Variants in CTIF observed in about 807,000 individuals in gnomAD.
CTIF encodes CBP80/20-dependent translation initiation factor.
In CTIF, 21 loss-of-function variants were observed where a neutral mutation model predicts 66.0. The ratio of observed to expected loss-of-function variants is 0.32; its 90% CI spans 0.23 to 0.46. The LOEUF (loss-of-function observed/expected upper bound fraction) is 0.46. CTIF is among the 20% of genes least tolerant of loss of function. CTIF has a pLI of 1.00. For synonymous variants in CTIF, 345 were observed against 326.4 expected (o/e 1.06, Z -0.62); for missense variants, 739 against 812.7 (o/e 0.91, Z 1.10).
At position 48,668,254 on chromosome 18, in the gene CTIF, A is replaced by G. The variant is rs1194402736; in HGVS notation, c.432-2415A>G. 3.9e-5 allele frequency among the ~76,000 whole-genome samples: 6 copies of G among 152,218 alleles called. No individual in the cohort carries two copies. The South Asian group carries it at 6.2e-4, about 16-fold the overall frequency. On this transcript the variant is annotated intron_variant, in intron 5 of 11. Coordinates refer to ENST00000256413, the MANE Select transcript of CTIF (RefSeq NM_014772.3). ...CCAGCGTGTGCTTGGAGCTCAGTGC[A>G]TGCGAGAGAGTCCTGAGGTGTGTTT...
chr18:48,710,497 G>A lies in CTIF; in HGVS notation c.508-1122G>A, dbSNP rs187809786. Reference sequence around the variant, plus strand: ...ACCCCAGGCCGCTCATAATGGAATGGTAGTGCATGGTGGTGCTCTCTGCCA... The same window carrying A: ...ACCCCAGGCCGCTCATAATGGAATGATAGTGCATGGTGGTGCTCTCTGCCA... On this transcript the variant is annotated intron_variant, in intron 6 of 11. Transcript: ENST00000256413. 2.6e-3 allele frequency among the ~76,000 whole-genome samples: 396 copies of A among 152,324 alleles called. 2 individuals carry two copies. Among genetic ancestry groups the A allele is most frequent in the Non-Finnish European group, 4.6e-3 (314 of 68,018 alleles).
Position 48,698,104 on chromosome 18 carries a change from TAAAAAAAAAAAAAAAAA to T in CTIF, c.508-13494_508-13478del, listed in dbSNP as rs527429582. Among the ~76,000 whole-genome samples the T allele has an allele frequency of 3.7e-3, 49 of 13,070 alleles. 1 individual carries two copies. The highest frequency in any genetic ancestry group is 9.0e-3 in the Admixed American group (5 of 556). 8.6% of individuals were successfully genotyped at this position (13,070 alleles called of 152,430 possible). A position where few individuals can be genotyped will look rare whatever the true frequency, so the allele number is the denominator to read the frequency against. On this transcript the variant is annotated intron_variant, in intron 6 of 11. Coordinates refer to ENST00000256413, the MANE Select transcript of CTIF (RefSeq NM_014772.3). ...ACTCAGTGGAAAATGTAGCCATCAT[TAAAAAAAAAAAAAAAAA>T]AAAAAAAAAAAAAAAAAAAAGCAAA...
At chr18:48,628,519 T>C (rs72925564) in intron 2 of CTIF, among the ~76,000 whole-genome samples, 238 of 152,296 alleles carry the variant, frequency 1.6e-3, no homozygotes, top group Non-Finnish European at 2.5e-3. Flanking sequence ...TGACTTAAGC[T>C]TCCTGAGGCC....
chr18:48,641,483 G>A (rs533403377), intron 3 of CTIF, among the ~76,000 whole-genome samples: 4 of 152,332 alleles, frequency 2.6e-5, no homozygotes, highest in Admixed American at 6.5e-5. Context: ...AAAGATGGGG[G>A]TGTGTCACAA....
chr18:48,657,349 T>C (rs1306728416), intron 3 of CTIF, among the ~76,000 whole-genome samples: 1 of 152,348 alleles, frequency 6.6e-6, no homozygotes, highest in East Asian at 1.9e-4. Context: ...ATACCAAACA[T>C]TTGACTATAT....
intron 6 of CTIF, among the ~76,000 whole-genome samples, chr18:48,683,909 G>T (rs1006934707): frequency 3.3e-5 from 5 of 152,198 alleles, no homozygotes; most frequent in Admixed American, 6.5e-5. Flanking sequence ...TCTCATGGGG[G>T]CCCAGTTGCA....
Position 48,614,172 on chromosome 18 carries a change from A to G in CTIF, c.-28-5366A>G, listed in dbSNP as rs113719328. 5.2e-3 allele frequency among the ~76,000 whole-genome samples: 785 copies of G among 152,238 alleles called. 5 individuals are homozygous for G. The highest frequency in any genetic ancestry group is 0.034 in the Middle Eastern group (10 of 294). On this transcript the variant is annotated intron_variant, in intron 1 of 11. Transcript: ENST00000256413. The stretch of plus-strand genomic sequence containing the variant: ...CAGCCCAGCTGTTTGGGGACTTCCC[A>G]TCAGGATCCTACTGGGAATGAGACA...
At chr18:48,564,404 G>A (rs114164234) in intron 1 of CTIF, among the ~76,000 whole-genome samples, 3,666 of 152,218 alleles carry the variant, frequency 0.024, 51 homozygotes, top group African/African-American at 0.036. Flanking sequence ...TGCTGCAGGC[G>A]GCCTTCGCTA....
At chr18:48,653,413 T>TCC (rs2091192731) in intron 3 of CTIF, among the ~76,000 whole-genome samples, 1 of 152,122 alleles carries the variant, frequency 6.6e-6, no homozygotes, top group Non-Finnish European at 1.5e-5. Context: ...GAATCCAACT[T>TCC]ATAAGGAATG....
At chr18:48,789,290 G>A (rs891545134) in intron 9 of CTIF, among the ~76,000 whole-genome samples, 4 of 152,178 alleles carry the variant, frequency 2.6e-5, no homozygotes, top group African/African-American at 9.7e-5. Flanking sequence ...GTGTAACCTT[G>A]AATGGGTTTC....
intron 9 of CTIF, among the ~76,000 whole-genome samples, chr18:48,777,144 G>GGTCTGGCCGGCTCCTTCCC (rs2146017611): frequency 6.6e-6 from 1 of 152,332 alleles, no homozygotes; most frequent in South Asian, 2.1e-4. Context: ...CCACCCGGCG[G>GGTCTGGCCGGCTCCTTCCC]GTCTGGCCGG....
intron 1 of CTIF, among the ~76,000 whole-genome samples, chr18:48,590,350 G>A (rs1372462789): frequency 6.6e-6 from 1 of 152,258 alleles, no homozygotes; most frequent in Non-Finnish European, 1.5e-5. Flanking sequence ...ACCTTGCTGG[G>A]CCTGCCCGGA....
At position 48,663,785 on chromosome 18, in the gene CTIF, G is replaced by A. The variant is rs369328929; in HGVS notation, c.286G>A (p.Gly96Ser). The A allele has an allele frequency of 1.9e-6, 3 of 1,614,006 alleles. No homozygotes were observed. The highest frequency in any genetic ancestry group is 1.7e-6 in the Non-Finnish European group (2 of 1,180,010). Residue 96 changes from glycine (G) to serine (S), a missense_variant, in exon 4 of 12, where the codon GGC (glycine) becomes AGC (serine). Around this residue, in one of 2 missense-constraint regions of CTIF, gnomAD observed 529 missense variants for 520.3 expected, o/e 1.02. Coordinates refer to ENST00000256413, the MANE Select transcript of CTIF (RefSeq NM_014772.3). ...CAAAGACAACTCTCTGGACATGCTG[G>A]GCACGGACATCTGGGCGGCCAACAC... ...GSKDNSLDML[G>S]TDIWAANTFD...
intron 3 of CTIF, among the ~76,000 whole-genome samples, chr18:48,639,386 A>G (rs562675814): frequency 5.9e-5 from 9 of 152,286 alleles, no homozygotes; most frequent in African/African-American, 1.9e-4. Flanking sequence ...TGGGAAGGAC[A>G]AGACACAGGT....
At chr18:48,754,677 C>G (rs1420653495) in intron 7 of CTIF, among the ~76,000 whole-genome samples, 1 of 152,268 alleles carries the variant, frequency 6.6e-6, no homozygotes, top group African/African-American at 2.4e-5. Flanking sequence ...TCCCTGGCTT[C>G]CCTCCCACCT....
intron 1 of CTIF, among the ~76,000 whole-genome samples, chr18:48,618,832 G>A (rs1321947124): frequency 6.6e-6 from 1 of 152,238 alleles, no homozygotes; most frequent in Non-Finnish European, 1.5e-5. Context: ...TCATGCCCCT[G>A]TAAAGGTGAC....
At chr18:48,624,053 C>T (rs1568082188) in intron 2 of CTIF, among the ~76,000 whole-genome samples, 1 of 149,398 alleles carries the variant, frequency 6.7e-6, no homozygotes, top group African/African-American at 2.5e-5. Context: ...TCTCCCCATG[C>T]TTGACACCAC....
intron 1 of CTIF, among the ~76,000 whole-genome samples, chr18:48,610,972 G>A (rs892514270): frequency 3.9e-5 from 6 of 152,212 alleles, no homozygotes; most frequent in Non-Finnish European, 7.3e-5. Context: ...TGCGCTTGGG[G>A]TCCACAGAGC....
intron 1 of CTIF, among the ~76,000 whole-genome samples, chr18:48,562,758 C>T (rs1400068735): frequency 5.9e-5 from 9 of 152,132 alleles, no homozygotes; most frequent in East Asian, 1.9e-4. Flanking sequence ...ATAATTATGC[C>T]TGATAAAAAT....
Sources: allele counts gnomAD v4.1 joint callset (sites outside exome capture counted in the v4.1 genomes callset), GRCh38; gene constraint gnomAD v4.1.1; regional missense constraint gnomAD v4.1.1; transcripts MANE v1.5; gene names NCBI Gene and HGNC (gene_info 2026-07-23, HGNC 2026-07-21).